TAF1B: variants seen among roughly 807,000 people sequenced by gnomAD.
TAF1B encodes TATA-box binding protein associated factor, RNA polymerase I subunit B.
A neutral mutation model predicts 83.9 loss-of-function variants in TAF1B; 61 were observed. That is an observed-to-expected ratio of 0.73 (90% CI 0.59 to 0.90). The LOEUF (loss-of-function observed/expected upper bound fraction) is 0.90. TAF1B is among the 40% of genes least tolerant of loss of function. The pLI is 0.00. For synonymous variants in TAF1B, 221 were observed against 224.6 expected (o/e 0.98, Z 0.14); for missense variants, 625 against 677.0 (o/e 0.92, Z 0.85).
chr2:9,872,646 ATTG>A (rs1458207920), intron 6 of TAF1B, among the ~76,000 whole-genome samples: 3 of 152,126 alleles, frequency 2.0e-5, no homozygotes, highest in Non-Finnish European at 2.9e-5. Context: ...TCTCTTTATA[ATTG>A]TTGTAGCAGG....
At chr2:9,929,092 G>T (rs146013866) in intron 14 of TAF1B, among the ~76,000 whole-genome samples, 3 of 152,096 alleles carry the variant, frequency 2.0e-5, no homozygotes, top group Non-Finnish European at 4.4e-5. Context: ...TTTGTCGAAG[G>T]CCTCTTCTGC....
intron 12 of TAF1B, 86 bp downstream of exon 12, chr2:9,913,335 A>G: frequency 9.8e-7 from 1 of 1,025,132 alleles, no homozygotes; most frequent in Non-Finnish European, 1.5e-6. Context: ...TCATCAGTAT[A>G]CACTTATCTA....
chr2:9,892,353 T>C (rs749798420), intron 8 of TAF1B, among the ~76,000 whole-genome samples: 2 of 152,242 alleles, frequency 1.3e-5, no homozygotes, highest in Non-Finnish European at 2.9e-5. Flanking sequence ...AAAGTATCTC[T>C]GTCATTCAGC....
At position 9,924,186 on chromosome 2, in the gene TAF1B, C is replaced by A. The variant is rs149211939; in HGVS notation, c.1565+4366C>A. 1.3e-4 allele frequency among the ~76,000 whole-genome samples: 20 copies of A among 152,216 alleles called. No homozygotes were observed. The East Asian group carries it at 3.3e-3, about 25-fold the overall frequency. ...CAACCTTACCTGTTCTAGACCAGAG[C>A]CTAGAACTGCAGAGGAAGCAAAAAA... On this transcript the variant is annotated intron_variant, in intron 14 of 14. Coordinates refer to ENST00000263663, the MANE Select transcript of TAF1B (RefSeq NM_005680.3).
intron 4 of TAF1B, among the ~76,000 whole-genome samples, chr2:9,852,492 A>G (rs1363923133): frequency 1.4e-5 from 2 of 143,658 alleles, no homozygotes; most frequent in African/African-American, 4.9e-5. Context: ...TGATATGCTA[A>G]GTGATTTTTT....
At chr2:9,912,059 C>G (rs917476748) in intron 11 of TAF1B, among the ~76,000 whole-genome samples, 1 of 152,170 alleles carries the variant, frequency 6.6e-6, no homozygotes, top group Non-Finnish European at 1.5e-5. Flanking sequence ...TAACTCCTGC[C>G]GCAGTCACTC....
At chr2:9,907,306 A>T (rs1665375111) in intron 9 of TAF1B, among the ~76,000 whole-genome samples, 1 of 151,912 alleles carries the variant, frequency 6.6e-6, no homozygotes, top group South Asian at 2.1e-4. Flanking sequence ...CATACATAAG[A>T]TTACAAGAGT....
At chr2:9,903,501 G>A (rs1185834833) in intron 8 of TAF1B, among the ~76,000 whole-genome samples, 2 of 152,140 alleles carry the variant, frequency 1.3e-5, no homozygotes, top group Admixed American at 6.5e-5. Flanking sequence ...AAAAAACTTC[G>A]AGTTCTTAAA....
intron 6 of TAF1B, among the ~76,000 whole-genome samples, chr2:9,870,187 T>C (rs1042457424): frequency 2.0e-5 from 3 of 152,150 alleles, no homozygotes; most frequent in Non-Finnish European, 2.9e-5. Context: ...TAAAAAATTG[T>C]TTTAAGTTGT....
intron 4 of TAF1B, 138 bp downstream of exon 4, chr2:9,851,776 A>T (rs1487365627): frequency 1.4e-5 from 10 of 718,854 alleles, no homozygotes; most frequent in Non-Finnish European, 2.1e-5. Flanking sequence ...TTTTGCTTTA[A>T]TCCTTTTAGT....
intron 8 of TAF1B, among the ~76,000 whole-genome samples, chr2:9,896,295 C>T (rs1201547623): frequency 6.6e-6 from 1 of 152,060 alleles, no homozygotes; most frequent in Non-Finnish European, 1.5e-5. Flanking sequence ...GGCAGCTTTT[C>T]TTCATTGTGT....
At chr2:9,901,735 G>A (rs1168135387) in intron 8 of TAF1B, among the ~76,000 whole-genome samples, 1 of 151,738 alleles carries the variant, frequency 6.6e-6, no homozygotes, top group Non-Finnish European at 1.5e-5. Flanking sequence ...ATGAACCAGA[G>A]GTCTAAATTA....
intron 8 of TAF1B, among the ~76,000 whole-genome samples, chr2:9,901,974 T>C (rs911226154): frequency 3.3e-5 from 5 of 152,154 alleles, no homozygotes; most frequent in African/African-American, 9.7e-5. Flanking sequence ...ATCAATCATA[T>C]GTTGATAATA....
At chr2:9,905,516 C>G (rs557714484) in intron 9 of TAF1B, among the ~76,000 whole-genome samples, 1 of 152,228 alleles carries the variant, frequency 6.6e-6, no homozygotes, top group African/African-American at 2.4e-5. Flanking sequence ...CTCTTTAAGG[C>G]AGTGAAACAT....
chr2:9,913,507 T>TACTTTTTATAATTTA (rs1665597226), intron 12 of TAF1B: 1 of 311,742 alleles, frequency 3.2e-6, no homozygotes, highest in Non-Finnish European at 5.8e-6. Flanking sequence ...TACCACAGTA[T>TACTTTTTATAATTTA]ACTTTTTATA....
At chr2:9,890,934 C>T (rs548734455) in intron 8 of TAF1B, among the ~76,000 whole-genome samples, 220 of 152,226 alleles carry the variant, frequency 1.4e-3, no homozygotes, top group Non-Finnish European at 2.6e-3. Flanking sequence ...CCAATCCTGG[C>T]TACTTTTTTG....
intron 6 of TAF1B, among the ~76,000 whole-genome samples, chr2:9,872,039 G>C (rs952304182): frequency 6.6e-6 from 1 of 152,066 alleles, no homozygotes; most frequent in Admixed American, 6.5e-5. Context: ...TAAGAATCTG[G>C]ATGTCTGGCT....
rs1663391721 is a variant in TAF1B at position 9,851,567 on chromosome 2, G to T, written c.232G>T (p.Glu78Ter). The T allele has an allele frequency of 1.2e-6, 2 of 1,611,908 alleles. No homozygotes were observed. Among genetic ancestry groups the T allele is most frequent in the South Asian group, 2.2e-5 (2 of 90,426 alleles). ...TEKGWDWYVC[E>*]GFQYILYQQA... ...AAAAGGCTGGGATTGGTATGTGTGT[G>T]AAGGTTTCCAGTATATTCTTTATCA... Residue 78 changes from glutamate (E) to a stop codon, truncating the protein, a stop_gained, in exon 4 of 15, where the codon GAA becomes TAA. Transcript: ENST00000263663. LOFTEE classifies it high-confidence loss of function.
intron 5 of TAF1B, among the ~76,000 whole-genome samples, chr2:9,858,208 C>T (rs1356493813): frequency 2.0e-5 from 3 of 152,202 alleles, no homozygotes; most frequent in South Asian, 2.1e-4. Flanking sequence ...GATAAATTGG[C>T]CAAAACAAAG....
Sources: gnomAD v4.1 joint callset for allele counts (sites outside exome capture counted in the v4.1 genomes callset) on GRCh38, gnomAD v4.1.1 for gene constraint, MANE v1.5 for transcripts, NCBI Gene and HGNC (gene_info 2026-07-23, HGNC 2026-07-21) for gene names.